MAP3K10: variants seen among roughly 807,000 people sequenced by gnomAD.
MAP3K10 encodes MKN28 derived nonreceptor_type serine/threonine kinase.
In MAP3K10, 22 loss-of-function variants were observed where a neutral mutation model predicts 75.0. That is an observed-to-expected ratio of 0.29 (90% CI 0.21 to 0.42). The LOEUF (loss-of-function observed/expected upper bound fraction) is 0.42. Ranked by LOEUF, MAP3K10 falls within the 10% of genes least tolerant of loss-of-function variation. The pLI is 1.00. For missense variants in MAP3K10, 1,165 were observed against 1,379.8 expected (o/e 0.84, Z 2.47); for synonymous variants, 599 against 612.9 (o/e 0.98, Z 0.34).
intron 1 of MAP3K10, among the ~76,000 whole-genome samples, chr19:40,194,412 G>A (rs1972870251): frequency 6.6e-6 from 1 of 151,846 alleles, no homozygotes; most frequent in Non-Finnish European, 1.5e-5. Context: ...GCTGTGTCTG[G>A]GGAACTGATG....
intron 1 of MAP3K10, among the ~76,000 whole-genome samples, chr19:40,195,274 G>C (rs10402740): frequency 0.22 from 32,870 of 151,844 alleles, 3,697 homozygotes; most frequent in Middle Eastern, 0.26. Flanking sequence ...GATTTTGAAG[G>C]GGGACTGACT....
In MAP3K10 at chr19:40,214,062, G is replaced by A. The variant is rs763388485; in HGVS notation, c.2383G>A (p.Val795Met). ...PTPSPSTNPLVDLELESFKKD... is the reference protein window; with the variant it reads ...PTPSPSTNPLMDLELESFKKD... ...GCCCTCGCCCAGCACCAACCCCCTG[G>A]TGGACCTGGAGCTGGAGAGCTTCAA... Residue 795 changes from valine to methionine, a missense_variant, in exon 9 of 10, where the codon GTG becomes ATG. Around this residue, in one of 2 missense-constraint regions of MAP3K10, gnomAD observed 590 missense variants for 586.6 expected, o/e 1.01. Coordinates refer to ENST00000253055, the MANE Select transcript of MAP3K10 (RefSeq NM_002446.4). 4.4e-5 allele frequency: 68 copies of A among 1,545,668 alleles called. No homozygotes were observed. Among genetic ancestry groups the A allele is most frequent in the Non-Finnish European group, 5.9e-5 (68 of 1,153,466 alleles).
Position 40,204,691 on chromosome 19 carries a change from GC to G in MAP3K10, c.1012+61del. On this transcript the variant is annotated intron_variant, in intron 3 of 9. Transcript: ENST00000253055. This position sits in a 1 kb window ranked among gnomAD's most constrained non-coding sequence, Gnocchi z 4.3. ...AGCTTGGAGTGGCAGGGACCTGTGG[GC>G]CCAGACCTTTCCCCTTCACACCTAT... 1 of 1,577,764 alleles carries G rather than the reference GC, an allele frequency of 6.3e-7. No homozygotes were observed.
chr19:40,198,891 A>T lies in MAP3K10; in HGVS notation c.863+336A>T, dbSNP rs1278826533. ...GAGACCAGCCTGACCAACATGGTGA[A>T]ACCCCATCTCTACTAAAAATACTAA... is the stretch of plus-strand genomic sequence containing the variant. On this transcript the variant is annotated intron_variant, in intron 2 of 9. Transcript: ENST00000253055. This position sits in a 1 kb window ranked among gnomAD's most constrained non-coding sequence, Gnocchi z 4.3. 6.6e-6 allele frequency among the ~76,000 whole-genome samples: 1 copy of T among 152,182 alleles called. No homozygotes were observed. Among genetic ancestry groups the T allele is most frequent in the Non-Finnish European group, 1.5e-5 (1 of 68,034 alleles).
chr19:40,204,532 G>T lies in MAP3K10; in HGVS notation c.911G>T (p.Arg304Leu), dbSNP rs535058788. The T allele has an allele frequency of 6.2e-7, 1 of 1,613,966 alleles. No individual in the cohort carries two copies. Among genetic ancestry groups the T allele is most frequent in the South Asian group, 1.1e-5 (1 of 91,076 alleles). The part of the protein sequence containing the change: ...WELLTGEVPY[R>L]EIDALAVAYG... ...CTGCTGACGGGGGAGGTCCCCTACC[G>T]TGAGATCGACGCCTTGGCCGTGGCG... The change falls in exon 3 of 10, where the codon CGT becomes CTT. Residue 304 changes from arginine (R) to leucine (L), a missense_variant. Physicochemically the swap from Arg to Leu is moderately radical, Grantham distance 102. This residue lies in a region of MAP3K10 where 575 missense variants were observed against 793.2 expected (regional missense o/e 0.72). Coordinates refer to ENST00000253055, the MANE Select transcript of MAP3K10 (RefSeq NM_002446.4). The surrounding 1 kb of genome is among the most constrained non-coding windows in gnomAD (Gnocchi z 4.3).
In MAP3K10 at chr19:40,215,163, T is replaced by C; in HGVS notation, c.2736T>C (p.Pro912=). 2.5e-6 allele frequency: 4 copies of C among 1,605,950 alleles called. No homozygotes were observed. The highest frequency in any genetic ancestry group is 3.4e-6 in the Non-Finnish European group (4 of 1,177,142). Residue 912 remains proline, a synonymous_variant, in exon 10 of 10, where the codon CCT becomes CCC. Coordinates refer to ENST00000253055, the MANE Select transcript of MAP3K10 (RefSeq NM_002446.4). ...VSFGRTLTIS[P]PSRPDTPESP... is the part of the protein sequence containing the mutation. ...TCGGCCGGACACTCACCATCTCGCC[T>C]CCCAGCAGGCCAGACACTCCGGAGA...
intron 2 of MAP3K10, among the ~76,000 whole-genome samples, chr19:40,201,794 CTTTT>C (rs757199734): frequency 8.2e-4 from 101 of 123,392 alleles, no homozygotes; most frequent in Admixed American, 2.7e-3. Flanking sequence ...CACACGCCAG[CTTTT>C]TTTTTTTTTT....
At position 40,215,421 on chromosome 19, in the gene MAP3K10, A is replaced by AG. The variant is rs1054777956; in HGVS notation, c.*137dup. On this transcript the variant is annotated 3_prime_UTR_variant, in exon 10 of 10. Transcript: ENST00000253055. ...CACTCTATTTATTGGGGAAGGAGGG[A>AG]GGGGGGGGACACTTAACTTATTCCT... is the stretch of plus-strand genomic sequence containing the variant. 2.2e-4 allele frequency: 169 copies of AG among 781,908 alleles called. 1 individual carries two copies. The highest frequency in any genetic ancestry group is 1.6e-3 in the Middle Eastern group (4 of 2,566). The allele number at this position is 781,908 out of a possible 1,614,324, so 48.4% of individuals were successfully genotyped here.
At chr19:40,207,224 G>T (rs973004100) in intron 5 of MAP3K10, among the ~76,000 whole-genome samples, 3 of 152,052 alleles carry the variant, frequency 2.0e-5, no homozygotes, top group African/African-American at 7.2e-5. Context: ...TTCAGATTCA[G>T]GTTTGATTTT....
Position 40,204,818 on chromosome 19 carries a change from G to A in MAP3K10, c.1012+185G>A. ...CTCCATCCCCCACATCCCAGCCCTT[G>A]TTTGGGCCAGGCCCAGAGCTCTCAG... On this transcript the variant is annotated intron_variant, in intron 3 of 9. Transcript: ENST00000253055. The surrounding 1 kb of genome is among the most constrained non-coding windows in gnomAD (Gnocchi z 4.3). The A allele has an allele frequency of 1.4e-6, 1 of 736,830 alleles. No homozygotes were observed. Among genetic ancestry groups the A allele is most frequent in the Non-Finnish European group, 2.2e-6 (1 of 463,560 alleles). The allele number at this position is 736,830 out of a possible 1,614,324, so 45.6% of individuals were successfully genotyped here. A position where few individuals can be genotyped will look rare whatever the true frequency, so the allele number is the denominator to read the frequency against.
intron 6 of MAP3K10, among the ~76,000 whole-genome samples, chr19:40,211,554 T>A (rs1375277363): frequency 7.1e-6 from 1 of 140,556 alleles, no homozygotes; most frequent in Non-Finnish European, 1.5e-5. Context: ...CAGGCCCCAG[T>A]GTCCGTTGTT....
chr19:40,215,206 G>T lies in MAP3K10; in HGVS notation c.2779G>T (p.Val927Leu), dbSNP rs200643469. 3 of 1,579,102 alleles carry T rather than the reference G, an allele frequency of 1.9e-6. No individual in the cohort carries two copies. Among genetic ancestry groups the T allele is most frequent in the Middle Eastern group, 3.3e-4 (2 of 6,028 alleles). ...TCCGGAGAGCCCTGGGCCCCCCAGC[G>T]TGCAGCCCACACTGCTGGACATGGA... ...DTPESPGPPS[V>L]QPTLLDMDME... The change falls in exon 10 of 10, where the codon GTG becomes TTG. Residue 927 changes from valine to leucine, a missense_variant. Val to Leu is a conservative substitution (Grantham distance 32, BLOSUM62 1). This residue lies in a region of MAP3K10 where 590 missense variants were observed against 586.6 expected (regional missense o/e 1.01). Coordinates refer to ENST00000253055, the MANE Select transcript of MAP3K10 (RefSeq NM_002446.4).
At position 40,213,071 on chromosome 19, in the gene MAP3K10, C is replaced by G. The variant is rs749331725; in HGVS notation, c.1725-5C>G. 6.9e-6 allele frequency: 11 copies of G among 1,605,690 alleles called. No individual in the cohort carries two copies. The highest frequency in any genetic ancestry group is 1.3e-5 in the African/African-American group (1 of 74,974). ...GAGGTCTCCATCTCTCCCTGGACCC[C>G]GCAGGCTGAAGGGGCTGGGGGAAGG... On this transcript the variant is annotated splice_polypyrimidine_tract_variant and splice_region_variant and intron_variant, in intron 7 of 9. Coordinates refer to ENST00000253055, the MANE Select transcript of MAP3K10 (RefSeq NM_002446.4). This position sits in a 1 kb window ranked among gnomAD's most constrained non-coding sequence, Gnocchi z 5.7.
intron 1 of MAP3K10, among the ~76,000 whole-genome samples, chr19:40,195,087 C>A (rs1173382667): frequency 6.6e-6 from 1 of 152,062 alleles, no homozygotes; most frequent in Non-Finnish European, 1.5e-5. Flanking sequence ...CACTGGAGAA[C>A]AGCAAGACCA....
chr19:40,211,365 TTTTTTGTTTTTAA>T (rs1243407656), intron 6 of MAP3K10, among the ~76,000 whole-genome samples: 1 of 151,860 alleles, frequency 6.6e-6, no homozygotes, highest in African/African-American at 2.4e-5. Context: ...TGGTATGGAT[TTTTTTGTTTTTAA>T]TTTTTGTTTT....
intron 2 of MAP3K10, among the ~76,000 whole-genome samples, chr19:40,201,145 A>G (rs182887110): frequency 2.2e-4 from 34 of 151,914 alleles, no homozygotes; most frequent in African/African-American, 6.0e-4. Flanking sequence ...TCATGATCCA[A>G]AATGACTGCT....
At chr19:40,209,063 G>A (rs371807072) in intron 5 of MAP3K10, 40 bp from the exon 6 acceptor site, 3 of 1,460,634 alleles carry the variant, frequency 2.1e-6, no homozygotes, top group Non-Finnish European at 2.9e-6. Context: ...GGTAATCCCT[G>A]GAACCATTTG....
intron 9 of MAP3K10, among the ~76,000 whole-genome samples, chr19:40,214,523 G>A (rs1973313931): frequency 6.6e-6 from 1 of 152,216 alleles, no homozygotes; most frequent in African/African-American, 2.4e-5. Context: ...TGTTAACTGG[G>A]TGGGAGATGC....
At chr19:40,194,417 C>A (rs1052274697) in intron 1 of MAP3K10, among the ~76,000 whole-genome samples, 2 of 151,884 alleles carry the variant, frequency 1.3e-5, no homozygotes, top group Non-Finnish European at 2.9e-5. Context: ...GTCTGGGGAA[C>A]TGATGCTTAT....
Sources: gnomAD v4.1 joint callset for allele counts (sites outside exome capture counted in the v4.1 genomes callset) on GRCh38, gnomAD v4.1.1 for gene constraint, gnomAD v4.1.1 regional missense constraint, Gnocchi (gnomAD v3.1) non-coding constraint, MANE v1.5 for transcripts, NCBI Gene and HGNC (gene_info 2026-07-23, HGNC 2026-07-21) for gene names.